The following TAFA2 variants were observed in gnomAD, a reference collection of about 807,000 sequenced individuals.
TAFA2 encodes the protein TAFA chemokine like family member 2.
TAFA2 carries 7 observed loss-of-function variants against 18.8 expected under a neutral mutation model. The observed-to-expected ratio is 0.37, with a 90% CI of 0.21 to 0.70. TAFA2 has a LOEUF of 0.70. Among genes scored for constraint, TAFA2 ranks in the 30% least tolerant of loss-of-function variants. The pLI is 0.53. For synonymous variants in TAFA2, 60 were observed against 54.2 expected, an observed-to-expected ratio of 1.11 and a Z score of -0.47; for missense variants, 122 against 158.1, an observed-to-expected ratio of 0.77 and a Z score of 1.23.
rs113262590 is a variant in TAFA2, at chr12:62,014,862, A to G, written c.-1-147436T>C. On this transcript the variant is annotated intron_variant, in intron 1 of 4. Coordinates refer to ENST00000416284, the MANE Select transcript of TAFA2 (RefSeq NM_178539.5). ...CAATGCTGGGCCACATAACTCCACA[A>G]TGCTATGCCCAGTACCTTCAATGAT... is the stretch of plus-strand genomic sequence containing the variant. Among the ~76,000 whole-genome samples, 658 of 152,236 alleles carry G rather than the reference A, an allele frequency of 4.3e-3. 3 individuals carry two copies. Among genetic ancestry groups the G allele is most frequent in the African/African-American group, 0.015 (621 of 41,546 alleles).
At chr12:62,161,248 T>C (rs2136930335) in intron 1 of TAFA2, among the ~76,000 whole-genome samples, 1 of 152,284 alleles carries the variant, frequency 6.6e-6, no homozygotes, top group Admixed American at 6.5e-5. Context: ...AAAAAGATAC[T>C]CACACTCATT....
chr12:62,039,438 T>G (rs2136757249), intron 1 of TAFA2, among the ~76,000 whole-genome samples: 1 of 152,254 alleles, frequency 6.6e-6, no homozygotes, highest in South Asian at 2.1e-4. Flanking sequence ...GCATAACATA[T>G]TTCCTCAAAA....
intron 2 of TAFA2, among the ~76,000 whole-genome samples, chr12:61,850,012 G>A (rs779093170): frequency 1.3e-5 from 2 of 152,070 alleles, no homozygotes; most frequent in Non-Finnish European, 2.9e-5. Flanking sequence ...TACAAGAACT[G>A]ACTAACTCTA....
chr12:61,979,424 G>T (rs1039065690), intron 1 of TAFA2, among the ~76,000 whole-genome samples: 3 of 152,046 alleles, frequency 2.0e-5, no homozygotes, highest in Non-Finnish European at 4.4e-5. Context: ...TATATCATAT[G>T]AATAAAAAAT....
chr12:62,171,775 A>G (rs1373732758), intron 1 of TAFA2, among the ~76,000 whole-genome samples: 1 of 152,224 alleles, frequency 6.6e-6, no homozygotes, highest in Non-Finnish European at 1.5e-5. Context: ...AGCAGTCCAA[A>G]TAAACTAAGA....
chr12:62,202,859 G>T (rs145102296), intron 1 of TAFA2, among the ~76,000 whole-genome samples: 1,306 of 100,148 alleles, frequency 0.013, 17 homozygotes, highest in African/African-American at 0.04. Context: ...AGACAGTCTT[G>T]CTCTGTCACC....
chr12:61,931,142 A>G (rs1877538024), intron 1 of TAFA2, among the ~76,000 whole-genome samples: 1 of 152,210 alleles, frequency 6.6e-6, no homozygotes, highest in Non-Finnish European at 1.5e-5. Flanking sequence ...TTAGTTTTTC[A>G]TAAGGTATTC....
intron 1 of TAFA2, among the ~76,000 whole-genome samples, chr12:62,220,867 G>C (rs2062757532): frequency 6.6e-6 from 1 of 152,002 alleles, no homozygotes; most frequent in African/African-American, 2.4e-5. Context: ...CAGCACTTTG[G>C]TGAGGCCGAG....
At chr12:61,863,841 T>C (rs1246133317) in intron 2 of TAFA2, among the ~76,000 whole-genome samples, 1 of 152,264 alleles carries the variant, frequency 6.6e-6, no homozygotes, top group African/African-American at 2.4e-5. Flanking sequence ...AGGCCACTCC[T>C]TGCCATGGGG....
At chr12:61,768,499 A>G (rs1869884573) in intron 2 of TAFA2, among the ~76,000 whole-genome samples, 1 of 152,124 alleles carries the variant, frequency 6.6e-6, no homozygotes, top group Admixed American at 6.6e-5. Context: ...TGGCCAAAAA[A>G]ACTGTGAGTA....
At chr12:62,202,274 C>A (rs2062674462) in intron 1 of TAFA2, among the ~76,000 whole-genome samples, 1 of 151,068 alleles carries the variant, frequency 6.6e-6, no homozygotes, top group South Asian at 2.1e-4. Context: ...TTGTCTTCTG[C>A]TAGCTTTGGG....
intron 1 of TAFA2, among the ~76,000 whole-genome samples, chr12:62,126,022 G>C (rs148650031): frequency 6.6e-6 from 1 of 152,150 alleles, no homozygotes; most frequent in East Asian, 1.9e-4. Flanking sequence ...CGGAAAACCA[G>C]CTGGTTGTCT....
chr12:61,951,573 A>C (rs959589243), intron 1 of TAFA2, among the ~76,000 whole-genome samples: 5 of 152,164 alleles, frequency 3.3e-5, no homozygotes, highest in Non-Finnish European at 7.4e-5. Flanking sequence ...CACACAGGAA[A>C]GCCTTGGCAA....
chr12:62,073,365 C>T (rs1271562673), intron 1 of TAFA2, among the ~76,000 whole-genome samples: 1 of 151,654 alleles, frequency 6.6e-6, no homozygotes, highest in Non-Finnish European at 1.5e-5. Flanking sequence ...ATTATCTTAT[C>T]TATATATTAT....
At chr12:62,164,219 A>G (rs2062424452) in intron 1 of TAFA2, among the ~76,000 whole-genome samples, 1 of 152,194 alleles carries the variant, frequency 6.6e-6, no homozygotes, top group East Asian at 1.9e-4. Flanking sequence ...GATTTGGTAA[A>G]CTTGAGGTTT....
intron 1 of TAFA2, among the ~76,000 whole-genome samples, chr12:62,248,547 G>C (rs993560397): frequency 1.3e-5 from 2 of 152,070 alleles, no homozygotes; most frequent in African/African-American, 4.8e-5. Flanking sequence ...ATTGTGGCAA[G>C]AACACTTAAC....
chr12:62,051,814 A>C (rs1226154079), intron 1 of TAFA2, among the ~76,000 whole-genome samples: 2 of 152,002 alleles, frequency 1.3e-5, no homozygotes, highest in Non-Finnish European at 2.9e-5. Flanking sequence ...CATTGAACTT[A>C]AAGAAACTTG....
chr12:62,040,126 CA>C (rs1415463914), intron 1 of TAFA2, among the ~76,000 whole-genome samples: 1 of 152,048 alleles, frequency 6.6e-6, no homozygotes, highest in Non-Finnish European at 1.5e-5. Flanking sequence ...CTAAACTCAC[CA>C]AAAAGTGAAA....
chr12:61,931,717 T>C (rs1877562085), intron 1 of TAFA2, among the ~76,000 whole-genome samples: 1 of 152,210 alleles, frequency 6.6e-6, no homozygotes, highest in African/African-American at 2.4e-5. Flanking sequence ...CATTTTGTAA[T>C]GTTACAAAGG....
Sources: gnomAD v4.1 joint callset for allele counts (sites outside exome capture counted in the v4.1 genomes callset) on GRCh38, gnomAD v4.1.1 for gene constraint, MANE v1.5 for transcripts, NCBI Gene and HGNC (gene_info 2026-07-23, HGNC 2026-07-21) for gene names.